Variants in ARHGAP23 observed in about 807,000 individuals in gnomAD.
ARHGAP23 encodes rho GTPase-activating protein 23.
In ARHGAP23, 34 loss-of-function variants were observed where a neutral mutation model predicts 136.3. The ratio of observed to expected loss-of-function variants is 0.25; its 90% confidence interval spans 0.19 to 0.33. ARHGAP23 has a LOEUF of 0.33. ARHGAP23 is among the 10% of genes least tolerant of loss of function. ARHGAP23 has a pLI of 1.00. For missense variants in ARHGAP23, 1,808 were observed against 2,139.0 expected (o/e 0.85, Z 3.05); for synonymous variants, 832 against 920.5 (o/e 0.90, Z 1.74).
At chr17:38,443,493 A>T (rs1368230298) in intron 1 of ARHGAP23, among the ~76,000 whole-genome samples, 1 of 152,114 alleles carries the variant, frequency 6.6e-6, no homozygotes, top group Non-Finnish European at 1.5e-5. Flanking sequence ...TTCTGACCAG[A>T]GAGCCCAGCC....
intron 1 of ARHGAP23, among the ~76,000 whole-genome samples, chr17:38,435,813 C>A (rs1247297860): frequency 6.6e-6 from 1 of 152,210 alleles, no homozygotes; most frequent in African/African-American, 2.4e-5. Flanking sequence ...GTTGGTCAGG[C>A]TGGTCTCAAA....
At chr17:38,475,328 C>T (rs1022602431) in intron 11 of ARHGAP23, among the ~76,000 whole-genome samples, 1 of 152,270 alleles carries the variant, frequency 6.6e-6, no homozygotes, top group African/African-American at 2.4e-5. Flanking sequence ...GCCGGAGACA[C>T]TGAGGCCTGG....
chr17:38,419,898 T>C (rs1007036958), intron 1 of ARHGAP23, among the ~76,000 whole-genome samples: 38 of 152,242 alleles, frequency 2.5e-4, no homozygotes, highest in Non-Finnish European at 5.0e-4. Flanking sequence ...AAGGGGTTTC[T>C]TCCAGCCCGG....
chr17:38,486,536 CTTTTTTTT>C (rs34888986), intron 17 of ARHGAP23, among the ~76,000 whole-genome samples: 3 of 125,840 alleles, frequency 2.4e-5, no homozygotes, highest in East Asian at 2.3e-4. Flanking sequence ...ACCACGCTGG[CTTTTTTTT>C]TTTTTTTTTT....
At position 38,477,660 on chromosome 17, in the gene ARHGAP23, C is replaced by A. The variant is rs1052231460; in HGVS notation, c.2200C>A (p.Arg734=). Residue 734 remains arginine (R), a synonymous_variant, in exon 12 of 24, where the codon CGG becomes AGG. Transcript: ENST00000622683. This position sits in a 1 kb window ranked among gnomAD's most constrained non-coding sequence, Gnocchi z 6.6. ...ARSLSLSKER[R]EPGPAAAGAA... The stretch of plus-strand genomic sequence containing the variant: ...CTCGCTCTCGCTGAGCAAGGAGCGG[C>A]GGGAGCCCGGGCCGGCGGCGGCGGG... The A allele has an allele frequency of 5.5e-6, 7 of 1,273,418 alleles. No individual in the cohort carries two copies. Among genetic ancestry groups the A allele is most frequent in the Middle Eastern group, 2.9e-4 (1 of 3,466 alleles). The allele number at this position is 1,273,418 out of a possible 1,614,324, so 78.9% of individuals were successfully genotyped here.
chr17:38,494,512 C>T (rs1307118607), intron 20 of ARHGAP23, among the ~76,000 whole-genome samples: 2 of 151,836 alleles, frequency 1.3e-5, no homozygotes, highest in Non-Finnish European at 2.9e-5. Flanking sequence ...TGCAGTGAGC[C>T]GAGATTGCGA....
At chr17:38,460,972 CCT>C in intron 3 of ARHGAP23, 40 bp downstream of exon 3, 4 of 1,533,538 alleles carry the variant, frequency 2.6e-6, no homozygotes, top group Non-Finnish European at 3.5e-6. Flanking sequence ...GCACGGGACT[CCT>C]CTTCCAGCTC....
chr17:38,454,262 CCTGGAACGGGGAGTGAGTGAGGCA>C (rs1165471380), intron 1 of ARHGAP23: 1 of 152,482 alleles, frequency 6.6e-6, no homozygotes, highest in African/African-American at 2.4e-5. Context: ...GACTGATGCC[CCTGGAACGGGGAGTGAGTGAGGCA>C]CTTGAGAGAT....
chr17:38,498,353 C>A, intron 21 of ARHGAP23, 61 bp from the exon 22 acceptor site: 1 of 1,353,516 alleles, frequency 7.4e-7, no homozygotes, highest in Non-Finnish European at 1.0e-6. Context: ...GCACCCCCCT[C>A]TGGGGGGTTG....
At chr17:38,492,093 C>T (rs1424791036) in intron 20 of ARHGAP23, among the ~76,000 whole-genome samples, 1 of 152,148 alleles carries the variant, frequency 6.6e-6, no homozygotes, top group Non-Finnish European at 1.5e-5. Context: ...GGGCTGGCCA[C>T]CTCCCTTCTC....
rs143857961 is a variant in ARHGAP23 at position 38,435,603 on chromosome 17, T to G, written c.63+7055T>G. ...GCAGTCTCTGTACTGGGGAAAATTT[T>G]TTGTTGTTGTTGTTTTCGAGACAGA... On this transcript the variant is annotated intron_variant, in intron 1 of 23. Coordinates refer to ENST00000622683, the MANE Select transcript of ARHGAP23 (RefSeq NM_001199417.2). Among the ~76,000 whole-genome samples the G allele has an allele frequency of 2.0e-5, 3 of 152,292 alleles. No homozygotes were observed. In the East Asian group the frequency reaches 5.8e-4, roughly 29 times the overall value.
chr17:38,479,322 G>A (rs2039974419), intron 12 of ARHGAP23, 114 bp from the exon 13 acceptor site: 1 of 791,120 alleles, frequency 1.3e-6, no homozygotes, highest in African/African-American at 1.7e-5. Flanking sequence ...TCACTCCAGG[G>A]TCTGGGCTGT....
Position 38,431,506 on chromosome 17 carries a change from G to A in ARHGAP23, c.63+2958G>A, listed in dbSNP as rs1051449236. 3.9e-5 allele frequency among the ~76,000 whole-genome samples: 6 copies of A among 152,050 alleles called. No individual in the cohort carries two copies. In the East Asian group the frequency reaches 5.8e-4, roughly 15 times the overall value. On this transcript the variant is annotated intron_variant, in intron 1 of 23. Transcript: ENST00000622683. Reference sequence around the variant, plus strand: ...GCCTTTCCCCTAGCACCCTCCACCCGCTTCAAACAACCCGCCTTCAGATCC... The same window carrying A: ...GCCTTTCCCCTAGCACCCTCCACCCACTTCAAACAACCCGCCTTCAGATCC...
intron 1 of ARHGAP23, among the ~76,000 whole-genome samples, chr17:38,420,341 G>A (rs563203855): frequency 1.1e-4 from 17 of 152,226 alleles, no homozygotes; most frequent in Non-Finnish European, 2.4e-4. Context: ...TCTCAGGTGG[G>A]GTCTGGAGAG....
chr17:38,428,761 C>A (rs2038619085), intron 1 of ARHGAP23, among the ~76,000 whole-genome samples: 1 of 152,046 alleles, frequency 6.6e-6, no homozygotes, highest in Admixed American at 6.5e-5. Flanking sequence ...GTGGGAAGGA[C>A]GGAAGCAGGC....
intron 22 of ARHGAP23, among the ~76,000 whole-genome samples, 158 bp downstream of exon 22, chr17:38,498,668 C>A (rs1284359753): frequency 6.6e-6 from 1 of 152,138 alleles, no homozygotes; most frequent in African/African-American, 2.4e-5. Context: ...GGCCTTCTCC[C>A]TCCCTAGGGA....
At chr17:38,441,125 A>G (rs1476344354) in intron 1 of ARHGAP23, among the ~76,000 whole-genome samples, 1 of 152,200 alleles carries the variant, frequency 6.6e-6, no homozygotes, top group Non-Finnish European at 1.5e-5. Flanking sequence ...CCAGCCCCAC[A>G]GGGATCCACC....
chr17:38,429,637 A>G (rs774262718), intron 1 of ARHGAP23, among the ~76,000 whole-genome samples: 11 of 151,442 alleles, frequency 7.3e-5, no homozygotes, highest in Non-Finnish European at 1.0e-4. Flanking sequence ...TTCTCCCTCA[A>G]TCTGCATCTC....
At chr17:38,508,664 CGGAGGA>C (rs1000741687) in intron 23 of ARHGAP23, among the ~76,000 whole-genome samples, 1 of 151,928 alleles carries the variant, frequency 6.6e-6, no homozygotes, top group Non-Finnish European at 1.5e-5. Context: ...GAGGGCCTGC[CGGAGGA>C]GGAGGAGGAG....
Sources: allele counts gnomAD v4.1 joint callset (sites outside exome capture counted in the v4.1 genomes callset), GRCh38; gene constraint gnomAD v4.1.1; non-coding constraint Gnocchi (gnomAD v3.1); transcripts MANE v1.5; gene names NCBI Gene and HGNC (gene_info 2026-07-23, HGNC 2026-07-21).